ANKRD36C: variants seen among roughly 807,000 people sequenced by gnomAD.
ANKRD36C encodes ankyrin repeat domain 36C, also known as ankyrin repeat domain-containing protein 36C.
In ANKRD36C, 61 loss-of-function variants were observed where a neutral mutation model predicts 276.4. The ratio of observed to expected loss-of-function variants is 0.22; its 90% CI spans 0.18 to 0.27. The LOEUF (loss-of-function observed/expected upper bound fraction) is 0.27, where lower values mean the gene tolerates loss of function less well. Ranked by LOEUF, ANKRD36C falls within the 10% of genes least tolerant of loss-of-function variation. The probability of loss-of-function intolerance (pLI) is 1.00; values close to 1 mark genes in which losing one functional copy is unlikely to be tolerated. For synonymous variants in ANKRD36C, 483 were observed against 680.1 expected, an observed-to-expected ratio of 0.71 and a Z score of 4.51; for missense variants, 1,447 against 2,032.3, an observed-to-expected ratio of 0.71 and a Z score of 5.54.
intron 22 of ANKRD36C, among the ~76,000 whole-genome samples, chr2:95,937,065 A>C (rs553132293): frequency 6.6e-6 from 1 of 152,412 alleles, no homozygotes; most frequent in Non-Finnish European, 1.5e-5. Flanking sequence ...TCTACACAAG[A>C]GATTACTGAG....
chr2:95,890,515 G>A (rs1443466639), intron 46 of ANKRD36C, among the ~76,000 whole-genome samples: 1 of 151,490 alleles, frequency 6.6e-6, no homozygotes, highest in Non-Finnish European at 1.5e-5. Flanking sequence ...CTAAATTGAT[G>A]ACTTTGGATA....
chr2:95,927,527 T>C, intron 26 of ANKRD36C, 118 bp from the exon 27 acceptor site: 4 of 1,484,036 alleles, frequency 2.7e-6, no homozygotes, highest in Non-Finnish European at 3.6e-6. Context: ...TAGGCTTTGA[T>C]GTTTTCTACT....
chr2:95,869,584 C>T (rs12477206), intron 59 of ANKRD36C, among the ~76,000 whole-genome samples: 42,311 of 152,104 alleles, frequency 0.28, 6,778 homozygotes, highest in East Asian at 0.47. Flanking sequence ...GCGTGAGCGA[C>T]GCAGAAGATG....
chr2:95,921,074 C>T (rs1312337453), intron 34 of ANKRD36C, among the ~76,000 whole-genome samples: 3 of 150,514 alleles, frequency 2.0e-5, no homozygotes, highest in Non-Finnish European at 3.0e-5. Context: ...ACTCAGATTT[C>T]CTCAGCAGAA....
At chr2:95,889,526 A>G (rs1378236890) in intron 48 of ANKRD36C, among the ~76,000 whole-genome samples, 2 of 151,514 alleles carry the variant, frequency 1.3e-5, no homozygotes, top group Admixed American at 6.6e-5. Context: ...TTAAAGCAAA[A>G]TGATGCTGTC....
chr2:95,982,374 C>G lies in ANKRD36C; in HGVS notation c.487-12G>C, dbSNP rs1482347863. ...GGCGGATATTCATCCTGTAAAATAA[C>G]AGCAACAATTTATAATCACAAAATT... On this transcript the variant is annotated splice_polypyrimidine_tract_variant and intron_variant, in intron 3 of 66. Coordinates refer to ENST00000456556, the Ensembl canonical transcript of ANKRD36C. 4 of 1,522,262 alleles carry G rather than the reference C, an allele frequency of 2.6e-6. No homozygotes were observed. The highest frequency in any genetic ancestry group is 1.2e-5 in the South Asian group (1 of 80,698). The allele number at this position is 1,522,262 out of a possible 1,614,324, so 94.3% of individuals were successfully genotyped here.
intron 46 of ANKRD36C, among the ~76,000 whole-genome samples, chr2:95,890,922 G>A (rs1047844231): frequency 4.0e-5 from 6 of 151,344 alleles, no homozygotes; most frequent in African/African-American, 1.5e-4. Context: ...CTTGAACAAG[G>A]AAGCAAATTT....
intron 60 of ANKRD36C, among the ~76,000 whole-genome samples, chr2:95,861,626 T>TA (rs911412378): frequency 6.6e-6 from 1 of 150,998 alleles, no homozygotes; most frequent in African/African-American, 2.4e-5. Flanking sequence ...AAAATATATA[T>TA]AAAATTGAAT....
intron 59 of ANKRD36C, among the ~76,000 whole-genome samples, chr2:95,870,137 G>C (rs1178521670): frequency 6.6e-6 from 1 of 152,218 alleles, no homozygotes; most frequent in Non-Finnish European, 1.5e-5. Flanking sequence ...AAATGTCCCT[G>C]TCTGATAGCT....
intron 6 of ANKRD36C, among the ~76,000 whole-genome samples, chr2:95,963,972 AATATAT>A (rs1160108122): frequency 1.5e-3 from 75 of 48,988 alleles, no homozygotes; most frequent in South Asian, 3.9e-3. Context: ...TATATATATA[AATATAT>A]ATATATATAT....
chr2:95,929,161 A>C lies in ANKRD36C; in HGVS notation c.1765-17T>G, dbSNP rs759749059. The C allele has an allele frequency of 6.9e-6, 11 of 1,601,384 alleles. No homozygotes were observed. In the Admixed American group the frequency reaches 1.2e-4, roughly 17 times the overall value. On this transcript the variant is annotated splice_polypyrimidine_tract_variant and intron_variant, in intron 25 of 66. Transcript: ENST00000456556. ...ACTTGTAGCCTGAATGGGATTTGAA[A>C]CAAAATAATCAATATGTAAAGTAGG...
intron 60 of ANKRD36C, among the ~76,000 whole-genome samples, chr2:95,863,324 A>G (rs1380721176): frequency 6.6e-6 from 1 of 152,164 alleles, no homozygotes; most frequent in African/African-American, 2.4e-5. Context: ...TATATCTATA[A>G]AAGAAAGTTA....
intron 47 of ANKRD36C, 37 bp from the exon 68 acceptor site, chr2:95,889,908 A>T (rs1676296182): frequency 1.3e-6 from 2 of 1,598,716 alleles, no homozygotes; most frequent in Non-Finnish European, 1.7e-6. Flanking sequence ...CAATAAATAA[A>T]GTATGTTTCA....
intron 5 of ANKRD36C, among the ~76,000 whole-genome samples, chr2:95,978,783 A>G (rs1255833805): frequency 2.6e-5 from 4 of 152,076 alleles, no homozygotes; most frequent in African/African-American, 9.7e-5. Flanking sequence ...AATTCAGGTT[A>G]TCTCAACTAT....
chr2:95,948,553 C>T, exon 17 of ANKRD36C: 3 of 1,535,780 alleles, frequency 2.0e-6, no homozygotes, highest in Non-Finnish European at 2.6e-6. Context: ...GCAAACTTAT[C>T]CTTTGTCACA....
chr2:95,964,003 ATATATATATATG>A (rs1314161341), intron 6 of ANKRD36C, among the ~76,000 whole-genome samples: 698 of 31,176 alleles, frequency 0.022, 19 homozygotes, highest in Admixed American at 0.036. Context: ...ATATATATAT[ATATATATATATG>A]TGTGTGTGTG....
At chr2:95,888,018 A>C in intron 49 of ANKRD36C, 21 bp from the exon 70 acceptor site, 1 of 1,600,556 alleles carries the variant, frequency 6.2e-7, no homozygotes. Context: ...TTTGAAACAA[A>C]ATAATGAATA....
intron 28 of ANKRD36C, among the ~76,000 whole-genome samples, chr2:95,926,837 T>C (rs1357339419): frequency 6.6e-6 from 1 of 151,646 alleles, no homozygotes; most frequent in Non-Finnish European, 1.5e-5. Flanking sequence ...TATGGGCTAT[T>C]ACCATAATTT....
chr2:95,860,029 T>G, exon 61 of ANKRD36C: 3 of 1,546,764 alleles, frequency 1.9e-6, no homozygotes, highest in Non-Finnish European at 1.7e-6. Flanking sequence ...TGTTAATCTT[T>G]TACATAAACA....
Sources: gnomAD v4.1 joint callset for allele counts (sites outside exome capture counted in the v4.1 genomes callset) on GRCh38, gnomAD v4.1.1 for gene constraint, MANE v1.5 for transcripts, NCBI Gene and HGNC (gene_info 2026-07-23, HGNC 2026-07-21) for gene names.